The following CNTN6 variants were observed in gnomAD, a reference collection of about 807,000 sequenced individuals.
CNTN6 encodes contactin-6.
A neutral mutation model predicts 122.8 loss-of-function variants in CNTN6; 137 were observed. That is an observed-to-expected ratio of 1.12 (90% CI 0.97 to 1.29). The LOEUF (loss-of-function observed/expected upper bound fraction) is 1.29, where lower values mean the gene tolerates loss of function less well. Among genes scored for constraint, CNTN6 ranks in the 50% most tolerant of loss-of-function variants. The pLI is 0.00. For missense variants in CNTN6, 1,634 were observed against 1,223.4 expected, an observed-to-expected ratio of 1.34 and a Z score of -5.01; for synonymous variants, 570 against 426.0, an observed-to-expected ratio of 1.34 and a Z score of -4.16.
intron 4 of CNTN6, among the ~76,000 whole-genome samples, chr3:1,232,535 G>A (rs2094365515): frequency 1.3e-5 from 2 of 152,224 alleles, no homozygotes; most frequent in African/African-American, 2.4e-5. Flanking sequence ...AACTCTTTAT[G>A]TAAATTAGCT....
chr3:1,369,272 T>C (rs1265776304), intron 12 of CNTN6, among the ~76,000 whole-genome samples: 1 of 152,180 alleles, frequency 6.6e-6, no homozygotes, highest in Non-Finnish European at 1.5e-5. Context: ...ATATGGTGCT[T>C]ATCACACATT....
intron 12 of CNTN6, among the ~76,000 whole-genome samples, chr3:1,358,671 T>C (rs571287821): frequency 6.6e-6 from 1 of 152,126 alleles, no homozygotes; most frequent in African/African-American, 2.4e-5. Context: ...TTGGGTTTTA[T>C]TTTCTCATTT....
At chr3:1,376,383 T>A (rs886344481) in intron 16 of CNTN6, among the ~76,000 whole-genome samples, 22 of 151,938 alleles carry the variant, frequency 1.4e-4, no homozygotes, top group African/African-American at 5.1e-4. Context: ...GAGCCTTAGA[T>A]CCCAAGAAAT....
intron 4 of CNTN6, among the ~76,000 whole-genome samples, chr3:1,257,836 A>G (rs761542990): frequency 6.6e-5 from 10 of 152,214 alleles, no homozygotes; most frequent in Non-Finnish European, 8.8e-5. Context: ...AACTTTTAAA[A>G]TGGCAGCACT....
chr3:1,216,977 A>G (rs998557171), intron 2 of CNTN6, among the ~76,000 whole-genome samples: 1 of 152,202 alleles, frequency 6.6e-6, no homozygotes, highest in Admixed American at 6.5e-5. Flanking sequence ...ATGGATGATG[A>G]TGATGATGCT....
chr3:1,154,738 C>T (rs142019195), intron 2 of CNTN6, among the ~76,000 whole-genome samples: 1,799 of 152,190 alleles, frequency 0.012, 46 homozygotes, highest in African/African-American at 0.04. Context: ...CCACCGCGCC[C>T]GGCCCAGGAT....
intron 13 of CNTN6, 62 bp downstream of exon 13, chr3:1,372,536 A>G: frequency 1.5e-6 from 2 of 1,315,902 alleles, no homozygotes; most frequent in African/African-American, 1.5e-5. Context: ...ATGAATCACC[A>G]TTTTTCATAG....
chr3:1,145,405 C>T (rs1216124261), intron 1 of CNTN6, among the ~76,000 whole-genome samples: 1 of 152,070 alleles, frequency 6.6e-6, no homozygotes, highest in African/African-American at 2.4e-5. Context: ...AAATAACTCC[C>T]CAGCTGTATT....
At chr3:1,224,993 C>T (rs1012449446) in intron 3 of CNTN6, among the ~76,000 whole-genome samples, 1 of 152,150 alleles carries the variant, frequency 6.6e-6, no homozygotes, top group African/African-American at 2.4e-5. Context: ...GGTAATCAGC[C>T]TGCCTCGGCC....
intron 20 of CNTN6, among the ~76,000 whole-genome samples, chr3:1,389,521 C>G (rs1448054036): frequency 6.6e-6 from 1 of 152,042 alleles, no homozygotes; most frequent in Non-Finnish European, 1.5e-5. Flanking sequence ...GCAAAATCAC[C>G]AGCTAACATC....
intron 2 of CNTN6, among the ~76,000 whole-genome samples, chr3:1,157,435 T>G (rs1270003692): frequency 6.6e-6 from 1 of 151,830 alleles, no homozygotes; most frequent in East Asian, 2.0e-4. Flanking sequence ...TAGCCTGATC[T>G]TGAACTCCTG....
intron 4 of CNTN6, among the ~76,000 whole-genome samples, chr3:1,255,432 AG>A (rs1308515860): frequency 7.5e-6 from 1 of 132,922 alleles, no homozygotes; most frequent in African/African-American, 2.6e-5. Context: ...AAAAAAAGAA[AG>A]AAAGAAAGAA....
At chr3:1,306,635 G>T (rs1304417239) in intron 7 of CNTN6, among the ~76,000 whole-genome samples, 1 of 138,516 alleles carries the variant, frequency 7.2e-6, no homozygotes, top group African/African-American at 2.5e-5. Flanking sequence ...TATAAGGAAG[G>T]CAAAAATGAT....
In CNTN6 at chr3:1,237,488, C is replaced by A. The variant is rs139151865; in HGVS notation, c.358+9495C>A. 3.4e-3 allele frequency among the ~76,000 whole-genome samples: 521 copies of A among 152,226 alleles called. 4 individuals carry two copies. Among genetic ancestry groups the A allele is most frequent in the African/African-American group, 0.012 (490 of 41,546 alleles). On this transcript the variant is annotated intron_variant, in intron 4 of 22. Transcript: ENST00000446702. ...TGGAAAATATGTCTGAGAGAATAAT[C>A]CAGGAAAACTTCCTCAGCTTTGCTA...
intron 2 of CNTN6, among the ~76,000 whole-genome samples, chr3:1,154,601 A>G (rs898333912): frequency 6.6e-6 from 1 of 151,542 alleles, no homozygotes; most frequent in African/African-American, 2.4e-5. Context: ...GCACCACCAC[A>G]CCTGGCTAAC....
chr3:1,396,198 T>G (rs1026275812), intron 20 of CNTN6, among the ~76,000 whole-genome samples: 5 of 152,222 alleles, frequency 3.3e-5, no homozygotes, highest in African/African-American at 1.2e-4. Context: ...CTTCTAGCCC[T>G]GACATCTCAA....
In CNTN6 at chr3:1,352,456, C is replaced by A. The variant is rs202221177; in HGVS notation, c.1492+5C>A. Reference sequence around the variant, plus strand: ...CTGGCAGCCTCATTGTAAAAGGTATCATATTATCTTCATTTGTGCTTGATG... The same window carrying A: ...CTGGCAGCCTCATTGTAAAAGGTATAATATTATCTTCATTTGTGCTTGATG... On this transcript the variant is annotated splice_donor_5th_base_variant and intron_variant, in intron 12 of 22. Transcript: ENST00000446702. The A allele has an allele frequency of 2.4e-5, 39 of 1,609,198 alleles. No individual in the cohort carries two copies. The highest frequency in any genetic ancestry group is 3.1e-5 in the Non-Finnish European group (36 of 1,176,932).
chr3:1,242,282 A>C (rs2094496076), intron 4 of CNTN6, among the ~76,000 whole-genome samples: 1 of 152,150 alleles, frequency 6.6e-6, no homozygotes, highest in Non-Finnish European at 1.5e-5. Context: ...TAGTGAAAAA[A>C]GCATCTTTAA....
At chr3:1,182,031 A>T (rs925168719) in intron 2 of CNTN6, among the ~76,000 whole-genome samples, 2 of 151,748 alleles carry the variant, frequency 1.3e-5, no homozygotes. Flanking sequence ...TTTTTTTCTT[A>T]ATCGTTCTGC....
Sources: allele counts gnomAD v4.1 joint callset (sites outside exome capture counted in the v4.1 genomes callset), GRCh38; gene constraint gnomAD v4.1.1; transcripts MANE v1.5; gene names NCBI Gene and HGNC (gene_info 2026-07-23, HGNC 2026-07-21).